The following CCSER1 variants were observed in gnomAD, a reference collection of about 807,000 sequenced individuals.
The protein encoded by CCSER1 is serine-rich coiled-coil domain-containing protein 1.
Under a neutral mutation model 82.0 loss-of-function variants are expected in CCSER1, and 41 were observed. The observed-to-expected ratio is 0.50, with a 90% confidence interval of 0.39 to 0.65. The LOEUF (loss-of-function observed/expected upper bound fraction) is 0.65, where lower values mean the gene tolerates loss of function less well. Among genes scored for constraint, CCSER1 ranks in the 30% least tolerant of loss-of-function variants. CCSER1 has a pLI of 0.00. For synonymous variants in CCSER1, 414 were observed against 383.9 expected (o/e 1.08, Z -0.92); for missense variants, 1,119 against 1,064.2 (o/e 1.05, Z -0.72).
chr4:91,202,583 T>C (rs1410179160), intron 10 of CCSER1, among the ~76,000 whole-genome samples: 1 of 152,060 alleles, frequency 6.6e-6, no homozygotes, highest in African/African-American at 2.4e-5. Context: ...GATTTTATGT[T>C]GTTGTTAAAG....
chr4:91,091,243 T>C (rs1723919844), intron 10 of CCSER1, among the ~76,000 whole-genome samples: 1 of 152,196 alleles, frequency 6.6e-6, no homozygotes, highest in Non-Finnish European at 1.5e-5. Context: ...ACTTGTATCA[T>C]TTATGAGTCC....
intron 8 of CCSER1, among the ~76,000 whole-genome samples, chr4:90,897,805 T>A (rs1561324084): frequency 6.6e-6 from 1 of 152,154 alleles, no homozygotes; most frequent in Non-Finnish European, 1.5e-5. Flanking sequence ...TTCAACTTTT[T>A]AATAAAAGCC....
intron 8 of CCSER1, among the ~76,000 whole-genome samples, chr4:90,824,787 CTCTT>C (rs1760194915): frequency 6.6e-6 from 1 of 152,144 alleles, no homozygotes; most frequent in African/African-American, 2.4e-5. Flanking sequence ...CTTTCAAATC[CTCTT>C]TCTTTTTCAT....
Position 90,969,336 on chromosome 4 carries a change from A to T in CCSER1, c.2172+45889A>T, listed in dbSNP as rs200684770. The stretch of plus-strand genomic sequence containing the variant: ...CTAAAACAGAATAACTTCAAAAAGA[A>T]TATACCAAGACACACGATAAAAATA... On this transcript the variant is annotated intron_variant, in intron 9 of 10. Coordinates refer to ENST00000509176, the MANE Select transcript of CCSER1 (RefSeq NM_001145065.2). Among the ~76,000 whole-genome samples the T allele has an allele frequency of 7.0e-4, 107 of 152,160 alleles. 3 individuals carry two copies. In the East Asian group the frequency reaches 0.013, roughly 19 times the overall value.
intron 5 of CCSER1, among the ~76,000 whole-genome samples, chr4:90,598,550 C>A (rs964723815): frequency 1.3e-4 from 20 of 152,236 alleles, no homozygotes; most frequent in Middle Eastern, 3.4e-3. Context: ...TTTGTATTTG[C>A]CTGATGATTA....
chr4:91,101,207 A>C (rs1480914578), intron 10 of CCSER1, among the ~76,000 whole-genome samples: 1 of 152,234 alleles, frequency 6.6e-6, no homozygotes, highest in East Asian at 1.9e-4. Flanking sequence ...TTAAGCAGTA[A>C]TTTGAGCACT....
At chr4:90,550,203 G>T (rs1404461066) in intron 5 of CCSER1, among the ~76,000 whole-genome samples, 2 of 152,058 alleles carry the variant, frequency 1.3e-5, no homozygotes, top group East Asian at 3.9e-4. Flanking sequence ...GTATCACAGG[G>T]CGTGCTAAAC....
chr4:90,578,835 GTAAT>G (rs1350185970), intron 5 of CCSER1, among the ~76,000 whole-genome samples: 1 of 152,032 alleles, frequency 6.6e-6, no homozygotes, highest in Non-Finnish European at 1.5e-5. Flanking sequence ...TATTTATTAA[GTAAT>G]TAATTTTATA....
At position 90,799,920 on chromosome 4, in the gene CCSER1, G is replaced by A. The variant is rs138560786; in HGVS notation, c.2011-15842G>A. ...GGTGAGAGCAGACTGCCCCTTGCCA[G>A]TTCAACTGACCCATTCCCTGGGAGC... On this transcript the variant is annotated intron_variant, in intron 7 of 10. Coordinates refer to ENST00000509176, the MANE Select transcript of CCSER1 (RefSeq NM_001145065.2). Among the ~76,000 whole-genome samples, 69 of 152,300 alleles carry A rather than the reference G, an allele frequency of 4.5e-4. 1 individual carries two copies. In the East Asian group the frequency reaches 0.011, roughly 25 times the overall value.
At chr4:90,393,555 A>G (rs73832781) in intron 3 of CCSER1, among the ~76,000 whole-genome samples, 6 of 152,152 alleles carry the variant, frequency 3.9e-5, no homozygotes, top group African/African-American at 1.4e-4. Context: ...ATAAAAAACC[A>G]CTGAAGTCCA....
intron 6 of CCSER1, among the ~76,000 whole-genome samples, chr4:90,637,330 A>G (rs1163448619): frequency 6.6e-6 from 1 of 152,170 alleles, no homozygotes; most frequent in Non-Finnish European, 1.5e-5. Flanking sequence ...CCCTGACTAC[A>G]CAATCTGAGA....
At chr4:91,543,214 C>T (rs886937833) in intron 10 of CCSER1, among the ~76,000 whole-genome samples, 1 of 152,106 alleles carries the variant, frequency 6.6e-6, no homozygotes, top group Non-Finnish European at 1.5e-5. Flanking sequence ...TGAGATGGGT[C>T]TCCTGAATAC....
chr4:91,053,737 A>G (rs764166313), intron 9 of CCSER1, among the ~76,000 whole-genome samples: 1 of 152,232 alleles, frequency 6.6e-6, no homozygotes, highest in Non-Finnish European at 1.5e-5. Context: ...AAATGTAAAT[A>G]CATCTTCCCT....
chr4:90,626,761 T>G (rs1486529180), intron 5 of CCSER1, among the ~76,000 whole-genome samples: 1 of 152,174 alleles, frequency 6.6e-6, no homozygotes, highest in African/African-American at 2.4e-5. Context: ...ATAATAGTAC[T>G]AACCTTAAAG....
chr4:90,713,048 A>T (rs1740950435), intron 6 of CCSER1, among the ~76,000 whole-genome samples: 1 of 151,362 alleles, frequency 6.6e-6, no homozygotes, highest in Non-Finnish European at 1.5e-5. Context: ...TTTGCACATG[A>T]GATGGATCTT....
intron 10 of CCSER1, among the ~76,000 whole-genome samples, chr4:91,158,130 A>G (rs1731003734): frequency 1.3e-5 from 2 of 152,048 alleles, no homozygotes; most frequent in Non-Finnish European, 2.9e-5. Flanking sequence ...TCATGGCATC[A>G]GTATTGAATG....
At chr4:90,642,419 T>G (rs1046003040) in intron 6 of CCSER1, 2 of 152,308 alleles carry the variant, frequency 1.3e-5, no homozygotes, top group African/African-American at 4.8e-5. Context: ...TGGAATGCAC[T>G]TATTCCTTAA....
chr4:91,124,421 A>AT (rs1030487290), intron 10 of CCSER1, among the ~76,000 whole-genome samples: 2 of 151,640 alleles, frequency 1.3e-5, no homozygotes, highest in Middle Eastern at 3.2e-3. Context: ...TTTACATATT[A>AT]TTTTTTTCCC....
In CCSER1 at chr4:90,622,509, A is replaced by G. The variant is rs1722501035; in HGVS notation, c.1725-5516A>G. ...ATTCAATTCCCACCTATGAGTGAGA[A>G]CATGCGGTGTTTGTTTTTTTGTCCT... On this transcript the variant is annotated intron_variant, in intron 5 of 10. Coordinates refer to ENST00000509176, the MANE Select transcript of CCSER1 (RefSeq NM_001145065.2). Among the ~76,000 whole-genome samples, 11 of 152,152 alleles carry G rather than the reference A, an allele frequency of 7.2e-5. No homozygotes were observed. The South Asian group carries it at 2.3e-3, about 32-fold the overall frequency.
Sources: allele counts gnomAD v4.1 joint callset (sites outside exome capture counted in the v4.1 genomes callset), GRCh38; gene constraint gnomAD v4.1.1; transcripts MANE v1.5; gene names NCBI Gene and HGNC (gene_info 2026-07-23, HGNC 2026-07-21).